The following MECR variants were observed in gnomAD, a reference collection of about 807,000 sequenced individuals.
The protein encoded by MECR is mitochondrial trans-2-enoyl-CoA reductase.
A neutral mutation model predicts 49.1 loss-of-function variants in MECR; 37 were observed. The observed-to-expected ratio is 0.75, with a 90% CI of 0.58 to 0.99. The LOEUF is 0.99. MECR is among the 50% of genes least tolerant of loss of function. The probability of loss-of-function intolerance (pLI) is 0.00; values close to 1 mark genes in which losing one functional copy is unlikely to be tolerated. For missense variants in MECR, 470 were observed against 479.6 expected (o/e 0.98, Z 0.19); for synonymous variants, 198 against 191.1 (o/e 1.04, Z -0.30).
chr1:29,177,610 C>T, the MECR span, among the ~76,000 whole-genome samples: 1 of 151,518 alleles, frequency 6.6e-6, no homozygotes, highest in Admixed American at 6.6e-5. Context: ...GTTTATGGGG[C>T]GGGTAGAAAA....
intron 3 of MECR, among the ~76,000 whole-genome samples, chr1:29,212,703 C>CTTTCCAGACCAATGG (rs1489879721): frequency 3.7e-4 from 56 of 152,324 alleles, no homozygotes; most frequent in Non-Finnish European, 5.9e-4. Flanking sequence ...CACCCTCTGC[C>CTTTCCAGACCAATGG]TTTCCAGACC....
At chr1:29,226,196 G>T (rs755305342) in intron 1 of MECR, among the ~76,000 whole-genome samples, 14 of 101,254 alleles carry the variant, frequency 1.4e-4, no homozygotes, top group Non-Finnish European at 2.0e-4. Context: ...AAAAAAAAAA[G>T]ACAGAACGGG....
chr1:29,223,402 G>T, intron 1 of MECR: 1 of 447,288 alleles, frequency 2.2e-6, no homozygotes, highest in Non-Finnish European at 3.0e-6. Flanking sequence ...GCTCTGCTGA[G>T]ATATCTTTCC....
In MECR at chr1:29,227,233, G is replaced by C. The variant is rs1008153620; in HGVS notation, c.176+3498C>G. The stretch of plus-strand genomic sequence containing the variant: ...CCGCCTCGGCCTCCCAAAGTGCTGG[G>C]ATTACAGGCATGAGCCACCATGCCT... On this transcript the variant is annotated intron_variant, in intron 1 of 9. Transcript: ENST00000263702. Among the ~76,000 whole-genome samples, 7 of 152,136 alleles carry C rather than the reference G, an allele frequency of 4.6e-5. No homozygotes were observed. In the East Asian group the frequency reaches 1.3e-3, roughly 29 times the overall value.
At chr1:29,215,956 A>G in intron 3 of MECR, 49 bp downstream of exon 3, 1 of 1,607,718 alleles carries the variant, frequency 6.2e-7, no homozygotes, top group Non-Finnish European at 8.5e-7. Flanking sequence ...GAGTGGGTGA[A>G]ATAGGATCTG....
intron 1 of MECR, 49 bp downstream of exon 1, chr1:29,230,682 C>T: frequency 6.5e-7 from 1 of 1,544,144 alleles, no homozygotes; most frequent in Non-Finnish European, 8.7e-7. Flanking sequence ...CGTGTTAAAG[C>T]CTTCCAGAAA....
chr1:29,230,923 A>G lies in MECR; in HGVS notation c.-17T>C. 1.3e-6 allele frequency: 2 copies of G among 1,567,050 alleles called. No individual in the cohort carries two copies. The highest frequency in any genetic ancestry group is 1.7e-6 in the Non-Finnish European group (2 of 1,162,844). On this transcript the variant is annotated 5_prime_UTR_variant, in exon 1 of 10. Coordinates refer to ENST00000263702, the MANE Select transcript of MECR (RefSeq NM_016011.5). ...GACCCACATGCTCGCTCCAACCAAC[A>G]CAGAGCCTGACGCCCCGGCTACGTC...
chr1:29,207,003 G>A, intron 3 of MECR, 98 bp from the exon 4 acceptor site: 13 of 1,335,426 alleles, frequency 9.7e-6, no homozygotes, highest in Non-Finnish European at 1.2e-5. Context: ...AGGATAGTGG[G>A]TAGCATCCAC....
chr1:29,195,799 G>T, intron 9 of MECR, 142 bp downstream of exon 9: 2 of 829,168 alleles, frequency 2.4e-6, no homozygotes, highest in Non-Finnish European at 4.0e-6. Context: ...GACTGTAGCT[G>T]GACTAAGGCT....
the MECR span, among the ~76,000 whole-genome samples, chr1:29,174,044 C>T: frequency 6.6e-6 from 1 of 151,356 alleles, no homozygotes; most frequent in Non-Finnish European, 1.5e-5. Flanking sequence ...CAAAAATTAG[C>T]GGGGTGTGGT....
the MECR span, among the ~76,000 whole-genome samples, chr1:29,173,803 G>T: frequency 6.6e-6 from 1 of 151,828 alleles, no homozygotes; most frequent in Non-Finnish European, 1.5e-5. Flanking sequence ...AAGCCTTAAA[G>T]GCTGCCAAAT....
rs1675201536 is a variant in MECR, at chr1:29,201,055, C to G, written c.757-466G>C. On this transcript the variant is annotated intron_variant, in intron 6 of 9. Coordinates refer to ENST00000263702, the MANE Select transcript of MECR (RefSeq NM_016011.5). The surrounding 1 kb of genome is among the most constrained non-coding windows in gnomAD (Gnocchi z 4.3). ...AAGCAATCCGCCTGCCTTGGCCTCC[C>G]GAAGTGCTGGGATTACAGGCATGAG... 6.6e-6 allele frequency among the ~76,000 whole-genome samples: 1 copy of G among 152,186 alleles called. No individual in the cohort carries two copies. The highest frequency in any genetic ancestry group is 1.5e-5 in the Non-Finnish European group (1 of 68,034).
chr1:29,178,316 T>C, the MECR span, among the ~76,000 whole-genome samples: 1 of 151,140 alleles, frequency 6.6e-6, no homozygotes, highest in Admixed American at 6.6e-5. Flanking sequence ...CAAAGACCTA[T>C]CTAAAGCATC....
chr1:29,179,381 G>T, the MECR span, among the ~76,000 whole-genome samples: 1 of 152,134 alleles, frequency 6.6e-6, no homozygotes, highest in Non-Finnish European at 1.5e-5. Flanking sequence ...TTTTATTAGA[G>T]ATGGGGGTCT....
At chr1:29,175,017 A>G in the MECR span, among the ~76,000 whole-genome samples, 5 of 151,808 alleles carry the variant, frequency 3.3e-5, no homozygotes, top group African/African-American at 1.2e-4. Context: ...GAAGAGAGAC[A>G]GAGTGCGTGC....
chr1:29,181,882 G>A, the MECR span: 3 of 623,108 alleles, frequency 4.8e-6, no homozygotes, highest in Admixed American at 9.0e-5. Flanking sequence ...CCGAACCCCG[G>A]CGACGTACGC....
At chr1:29,218,623 A>T (rs1272776754) in intron 1 of MECR, among the ~76,000 whole-genome samples, 1 of 152,222 alleles carries the variant, frequency 6.6e-6, no homozygotes, top group Non-Finnish European at 1.5e-5. Context: ...CTGTAATCCC[A>T]GCACTTTGGG....
At chr1:29,209,348 C>T (rs1677384244) in intron 3 of MECR, among the ~76,000 whole-genome samples, 1 of 152,198 alleles carries the variant, frequency 6.6e-6, no homozygotes, top group Non-Finnish European at 1.5e-5. Flanking sequence ...AACATGACCT[C>T]AGCACTGTGG....
At chr1:29,213,331 C>T (rs570236503) in intron 3 of MECR, among the ~76,000 whole-genome samples, 110 of 152,304 alleles carry the variant, frequency 7.2e-4, no homozygotes, top group African/African-American at 2.6e-3. Context: ...GTGTAGGAGA[C>T]GGTGGAGCCA....
Sources: allele counts gnomAD v4.1 joint callset (sites outside exome capture counted in the v4.1 genomes callset), GRCh38; gene constraint gnomAD v4.1.1; non-coding constraint Gnocchi (gnomAD v3.1); transcripts MANE v1.5; gene names NCBI Gene and HGNC (gene_info 2026-07-23, HGNC 2026-07-21).